ALOX12B: variants seen among roughly 807,000 people sequenced by gnomAD.
ALOX12B encodes the protein arachidonate 12-lipoxygenase, 12R-type.
ALOX12B carries 47 observed loss-of-function variants against 78.9 expected under a neutral mutation model. The ratio of observed to expected loss-of-function variants is 0.60; its 90% CI spans 0.47 to 0.76. The LOEUF is 0.76. Ranked by LOEUF, ALOX12B falls within the 30% of genes least tolerant of loss-of-function variation. ALOX12B has a pLI of 0.00. For missense variants in ALOX12B, 805 were observed against 922.6 expected (o/e 0.87, Z 1.65); for synonymous variants, 370 against 374.5 (o/e 0.99, Z 0.14).
chr17:8,076,848 C>T, intron 9 of ALOX12B, 105 bp from the exon 10 acceptor site: 1 of 1,451,172 alleles, frequency 6.9e-7, no homozygotes, highest in South Asian at 1.2e-5. Context: ...TGGGAAGTCC[C>T]TATGCCAAGC....
rs761641262 is a variant in ALOX12B at position 8,075,547 on chromosome 17, C to T, written c.1654+48G>A. On this transcript the variant is annotated intron_variant, in intron 12 of 14. Transcript: ENST00000647874. ...CCCTAGCAGACCTGCCTGGGGGCTGCCCCTCAGTCCCAGCTCCCCCTGATT... is the reference window on the plus strand; with the variant it reads ...CCCTAGCAGACCTGCCTGGGGGCTGTCCCTCAGTCCCAGCTCCCCCTGATT... 2.5e-5 allele frequency: 40 copies of T among 1,612,552 alleles called. No individual in the cohort carries two copies. The South Asian group carries it at 4.2e-4, about 17-fold the overall frequency.
chr17:8,076,726 G>A lies in ALOX12B; in HGVS notation c.1293C>T (p.Thr431=), dbSNP rs751328572. 5.7e-5 allele frequency: 89 copies of A among 1,550,552 alleles called. No homozygotes were observed. The highest frequency in any genetic ancestry group is 7.4e-5 in the Non-Finnish European group (85 of 1,147,126). ...HPLYKLLIPH[T]RYTVQINSIG... The stretch of plus-strand genomic sequence containing the variant: ...TGCTGTTGATCTGGACGGTGTATCG[G>A]GTATGGGGGATGAGGAGCTGTGGGG... Residue 431 remains threonine (T), a synonymous_variant, in exon 10 of 15, where the codon ACC becomes ACT. Transcript: ENST00000647874.
chr17:8,077,322 C>T, intron 8 of ALOX12B, 129 bp from the exon 9 acceptor site: 1 of 870,126 alleles, frequency 1.1e-6, no homozygotes, highest in Non-Finnish European at 1.8e-6. Context: ...TCCCACTGGT[C>T]CCCTGAGCAC....
intron 8 of ALOX12B, among the ~76,000 whole-genome samples, chr17:8,078,052 T>G (rs1188163303): frequency 6.6e-6 from 1 of 152,190 alleles, no homozygotes; most frequent in Non-Finnish European, 1.5e-5. Flanking sequence ...ACTATCTACA[T>G]AGCATTTACA....
rs775449310 is a variant in ALOX12B, at chr17:8,087,406, C to T, written c.37G>A (p.Asp13Asn). 5 of 1,614,238 alleles carry T rather than the reference C, an allele frequency of 3.1e-6. No individual in the cohort carries two copies. Among genetic ancestry groups the T allele is most frequent in the Admixed American group, 1.7e-5 (1 of 60,020 alleles). Residue 13 changes from aspartate (D) to asparagine (N), a missense_variant, in exon 1 of 15, where the codon GAC becomes AAC. Transcript: ENST00000647874. ...TYKVRVATGT[D>N]LLSGTRDSIS... ...GAGTCCCGTGTTCCCGACAAGAGGT[C>T]GGTGCCTGTGGCCACCCTGACTTTG...
Position 8,072,885 on chromosome 17 carries a change from C to G in ALOX12B, c.1992G>C (p.Ala664=). ...AGATCTGGTTCAGGCGCTGGCGGAA[C>G]GCCTCTATGCTCCTCCGCGGGGCCT... is the stretch of plus-strand genomic sequence containing the variant. The part of the protein sequence containing the change: ...VEEAPRRSIE[A]FRQRLNQISH... Residue 664 remains alanine, a synonymous_variant, in exon 15 of 15, where the codon GCG becomes GCC. Coordinates refer to ENST00000647874, the MANE Select transcript of ALOX12B (RefSeq NM_001139.3). 1.2e-6 allele frequency: 2 copies of G among 1,614,136 alleles called. No individual in the cohort carries two copies. The highest frequency in any genetic ancestry group is 2.2e-5 in the South Asian group (2 of 91,074).
Position 8,087,340 on chromosome 17 carries a change from T to C in ALOX12B, c.103A>G (p.Lys35Glu). ...TIVGTQGESH[K>E]QLLNHFGRDF... Reference sequence around the variant, plus strand: ...CTCCCAAAGTGGTTCAGCAGCTGCTTATGGCTCTCTCCTTGTGTCCCCACA... The same window carrying C: ...CTCCCAAAGTGGTTCAGCAGCTGCTCATGGCTCTCTCCTTGTGTCCCCACA... Residue 35 changes from lysine to glutamate, a missense_variant, in exon 1 of 15, where the codon AAG (lysine) becomes GAG (glutamate). By Grantham distance (56) the Lys-to-Glu change is moderately conservative. Transcript: ENST00000647874. The C allele has an allele frequency of 6.2e-7, 1 of 1,614,084 alleles. No homozygotes were observed.
At chr17:8,073,459 T>C in intron 13 of ALOX12B, 141 bp from the exon 14 acceptor site, 1 of 771,898 alleles carries the variant, frequency 1.3e-6, no homozygotes, top group Non-Finnish European at 2.0e-6. Flanking sequence ...TTGGTTAGAC[T>C]GGGGGTGGGG....
chr17:8,079,663 G>A lies in ALOX12B; in HGVS notation c.927+106C>T. ...TGGGACGGGGACAGGGACGCGGGGT[G>A]CGGGCTTGCCTGGGACTGGCGCGGG... On this transcript the variant is annotated intron_variant, in intron 7 of 14. Coordinates refer to ENST00000647874, the MANE Select transcript of ALOX12B (RefSeq NM_001139.3). The surrounding 1 kb of genome is among the most constrained non-coding windows in gnomAD (Gnocchi z 6.4). 1 of 1,535,616 alleles carries A rather than the reference G, an allele frequency of 6.5e-7. No homozygotes were observed. Among genetic ancestry groups the A allele is most frequent in the South Asian group, 1.2e-5 (1 of 82,872 alleles).
Position 8,080,204 on chromosome 17 carries a change from C to G in ALOX12B, c.754+31G>C, listed in dbSNP as rs1567983103. 1.9e-6 allele frequency: 3 copies of G among 1,608,416 alleles called. No individual in the cohort carries two copies. The highest frequency in any genetic ancestry group is 2.6e-6 in the Non-Finnish European group (3 of 1,174,816). On this transcript the variant is annotated intron_variant, in intron 6 of 14. Transcript: ENST00000647874. This position sits in a 1 kb window ranked among gnomAD's most constrained non-coding sequence, Gnocchi z 4.8. ...GCACGCCGGAGACCGCCTGGCTCCC[C>G]CTGCTCGATCCGGGACGCCCCATTC...
intron 9 of ALOX12B, 67 bp from the exon 10 acceptor site, chr17:8,076,810 A>G (rs1649395197): frequency 1.3e-6 from 2 of 1,500,138 alleles, no homozygotes; most frequent in Non-Finnish European, 1.8e-6. Context: ...TCAGCTCCCC[A>G]TTTCTGTAAC....
rs1164015132 is a variant in ALOX12B, at chr17:8,076,284, T to C, written c.1423A>G (p.Thr475Ala). The C allele has an allele frequency of 6.2e-7, 1 of 1,613,698 alleles. No homozygotes were observed. The highest frequency in any genetic ancestry group is 8.5e-7 in the Non-Finnish European group (1 of 1,179,914). ...GVMVRALSEL[T>A]YDSLYLPNDF... ...TTGGGGAGGTAGAGGCTGTCATAGGTGAGCTCCGACAGAGCCCGTACCATC... is the reference window on the plus strand; with the variant it reads ...TTGGGGAGGTAGAGGCTGTCATAGGCGAGCTCCGACAGAGCCCGTACCATC... Residue 475 changes from threonine to alanine, a missense_variant, in exon 11 of 15, where the codon ACC (threonine) becomes GCC (alanine). Physicochemically the swap from Thr to Ala is moderately conservative, Grantham distance 58. Coordinates refer to ENST00000647874, the MANE Select transcript of ALOX12B (RefSeq NM_001139.3).
intron 12 of ALOX12B, among the ~76,000 whole-genome samples, chr17:8,074,248 C>T (rs910185105): frequency 6.6e-6 from 1 of 152,142 alleles, no homozygotes; most frequent in African/African-American, 2.4e-5. Context: ...TCCTGTTGTC[C>T]CGTGTGAACC....
At chr17:8,075,540 G>T in intron 12 of ALOX12B, 55 bp downstream of exon 12, 1 of 1,612,258 alleles carries the variant, frequency 6.2e-7, no homozygotes, top group Non-Finnish European at 8.5e-7. Context: ...GACCTGCCTG[G>T]GGGCTGCCCC....
chr17:8,087,217 GACAC>G, intron 1 of ALOX12B, 75 bp downstream of exon 1: 1 of 1,520,614 alleles, frequency 6.6e-7, no homozygotes, highest in Non-Finnish European at 8.9e-7. Context: ...AAGACACACA[GACAC>G]ACACAGACAC....
At chr17:8,084,138 A>G (rs957306987) in intron 2 of ALOX12B, among the ~76,000 whole-genome samples, 5 of 148,122 alleles carry the variant, frequency 3.4e-5, no homozygotes, top group African/African-American at 5.0e-5. Context: ...AGGGCGACAG[A>G]GCGAGACTCC....
chr17:8,082,502 G>A lies in ALOX12B; in HGVS notation c.353-1315C>T, dbSNP rs367600631. ...TTTGAAACCTGGAAGGTGGACAGAC[G>A]CGCAGGCTCCTAGTTAAGCCTGTTC... On this transcript the variant is annotated intron_variant, in intron 2 of 14. Transcript: ENST00000647874. Among the ~76,000 whole-genome samples, 18 of 152,288 alleles carry A rather than the reference G, an allele frequency of 1.2e-4. 3 individuals carry two copies. Among genetic ancestry groups the A allele is most frequent in the East Asian group, 3.9e-4 (2 of 5,180 alleles).
chr17:8,073,164 CGGCTGAG>C lies in ALOX12B; in HGVS notation c.1903_1909del (p.Leu635GlufsTer26). On this transcript the variant is annotated frameshift_variant, in exon 14 of 15. Coordinates refer to ENST00000647874, the MANE Select transcript of ALOX12B (RefSeq NM_001139.3). ...GTCTCGCACCCTGTCGTCAGGCTCT[CGGCTGAG>C]GGTCCAGAGCACCAGCAGCGTGATG... 2 of 1,614,168 alleles carry C rather than the reference CGGCTGAG, an allele frequency of 1.2e-6. No homozygotes were observed. The highest frequency in any genetic ancestry group is 1.7e-6 in the Non-Finnish European group (2 of 1,180,036).
At chr17:8,076,787 C>A (rs1469442632) in intron 9 of ALOX12B, 44 bp from the exon 10 acceptor site, 2 of 1,532,468 alleles carry the variant, frequency 1.3e-6, no homozygotes, top group South Asian at 2.4e-5. Context: ...GCTGAAGTGG[C>A]CCCCAAAGGA....
Sources: gnomAD v4.1 joint callset for allele counts (sites outside exome capture counted in the v4.1 genomes callset) on GRCh38, gnomAD v4.1.1 for gene constraint, Gnocchi (gnomAD v3.1) non-coding constraint, MANE v1.5 for transcripts, NCBI Gene and HGNC (gene_info 2026-07-23, HGNC 2026-07-21) for gene names.